The following NPAS3 variants were observed in gnomAD, a reference collection of about 807,000 sequenced individuals.
NPAS3 encodes neuronal PAS domain-containing protein 3.
In NPAS3, 14 loss-of-function variants were observed where a neutral mutation model predicts 73.1. The observed-to-expected ratio is 0.19, with a 90% CI of 0.13 to 0.30. The LOEUF (loss-of-function observed/expected upper bound fraction) is 0.30, where lower values mean the gene tolerates loss of function less well. NPAS3 is among the 10% of genes least tolerant of loss of function. NPAS3 has a pLI of 1.00. For synonymous variants in NPAS3, 620 were observed against 541.5 expected, an observed-to-expected ratio of 1.14 and a Z score of -2.01; for missense variants, 1,096 against 1,250.0, an observed-to-expected ratio of 0.88 and a Z score of 1.86.
intron 4 of NPAS3, among the ~76,000 whole-genome samples, chr14:33,368,116 T>C (rs2140422500): frequency 6.6e-6 from 1 of 152,214 alleles, no homozygotes; most frequent in Middle Eastern, 3.4e-3. Flanking sequence ...TTACTGTATT[T>C]GGAAAAGGTA....
At chr14:33,103,488 T>C (rs2042635990) in intron 2 of NPAS3, among the ~76,000 whole-genome samples, 1 of 152,196 alleles carries the variant, frequency 6.6e-6, no homozygotes, top group African/African-American at 2.4e-5. Context: ...TTGGTGTCCT[T>C]GAGGGTAAAG....
chr14:33,412,405 C>G (rs998662047), intron 4 of NPAS3, among the ~76,000 whole-genome samples: 2 of 152,140 alleles, frequency 1.3e-5, no homozygotes, highest in Admixed American at 6.6e-5. Flanking sequence ...CAGATGTGAG[C>G]CACTACACCT....
intron 2 of NPAS3, among the ~76,000 whole-genome samples, chr14:33,116,990 A>T (rs10131147): frequency 0.014 from 2,073 of 152,228 alleles, 46 homozygotes; most frequent in African/African-American, 0.047. Flanking sequence ...TTGTAACAGA[A>T]TATCACACAA....
At chr14:33,471,130 T>C (rs1248360556) in intron 4 of NPAS3, among the ~76,000 whole-genome samples, 1 of 152,192 alleles carries the variant, frequency 6.6e-6, no homozygotes, top group African/African-American at 2.4e-5. Flanking sequence ...CTGATGCTTG[T>C]ACAGTGCTCT....
intron 4 of NPAS3, among the ~76,000 whole-genome samples, chr14:33,544,049 G>A (rs1401656311): frequency 6.8e-6 from 1 of 147,158 alleles, no homozygotes; most frequent in Non-Finnish European, 1.5e-5. Flanking sequence ...AGTTCATGTA[G>A]AGTCCTTCTC....
chr14:33,518,396 T>A (rs913821807), intron 4 of NPAS3, among the ~76,000 whole-genome samples: 2 of 152,028 alleles, frequency 1.3e-5, no homozygotes, highest in African/African-American at 4.8e-5. Context: ...GAAATGGAGC[T>A]GCTTGTGTAA....
chr14:33,444,092 G>C (rs1470161608), intron 4 of NPAS3, among the ~76,000 whole-genome samples: 2 of 152,126 alleles, frequency 1.3e-5, no homozygotes, highest in Non-Finnish European at 2.9e-5. Flanking sequence ...GAATCTTCAA[G>C]TCACCTTGAG....
intron 2 of NPAS3, among the ~76,000 whole-genome samples, chr14:33,069,611 G>A (rs553437708): frequency 6.8e-4 from 103 of 152,254 alleles, no homozygotes; most frequent in Non-Finnish European, 1.2e-3. Context: ...TCTCATTTGC[G>A]AAATGCTGAT....
intron 2 of NPAS3, among the ~76,000 whole-genome samples, chr14:33,081,998 A>G (rs1323189503): frequency 2.6e-5 from 4 of 152,212 alleles, no homozygotes; most frequent in Non-Finnish European, 5.9e-5. Flanking sequence ...TAAAAGATCA[A>G]TTGTCCTCGA....
intron 2 of NPAS3, among the ~76,000 whole-genome samples, chr14:33,066,525 C>G (rs757795157): frequency 6.6e-6 from 1 of 152,088 alleles, no homozygotes; most frequent in African/African-American, 2.4e-5. Flanking sequence ...TATGGGCCAG[C>G]AGATTTTAAG....
intron 9 of NPAS3, among the ~76,000 whole-genome samples, chr14:33,787,599 C>CA (rs9322928): frequency 4.4e-5 from 6 of 135,994 alleles, no homozygotes; most frequent in Non-Finnish European, 6.3e-5. Context: ...TATAGATTTA[C>CA]AAAAAAAAAA....
chr14:33,296,554 C>G (rs893825981), intron 3 of NPAS3, among the ~76,000 whole-genome samples: 1 of 152,186 alleles, frequency 6.6e-6, no homozygotes, highest in African/African-American at 2.4e-5. Flanking sequence ...ATGAGGGCAC[C>G]TGGGGTGCAG....
chr14:33,203,580 T>C (rs573945759), intron 2 of NPAS3, among the ~76,000 whole-genome samples: 3 of 152,302 alleles, frequency 2.0e-5, no homozygotes, highest in African/African-American at 7.2e-5. Flanking sequence ...TGTTTGGTTT[T>C]TTGTCCTTGG....
chr14:33,443,526 C>G (rs2049345049), intron 4 of NPAS3, among the ~76,000 whole-genome samples: 1 of 152,194 alleles, frequency 6.6e-6, no homozygotes, highest in Non-Finnish European at 1.5e-5. Context: ...CTGGAAGATA[C>G]ATGACATGCC....
chr14:33,094,468 A>AT (rs373938530), intron 2 of NPAS3, among the ~76,000 whole-genome samples: 3,477 of 141,942 alleles, frequency 0.024, 125 homozygotes, highest in African/African-American at 0.077. Context: ...ATGATAAAGG[A>AT]TTTTTTTTTT....
chr14:32,990,783 C>G (rs191594507), intron 1 of NPAS3, among the ~76,000 whole-genome samples: 179 of 151,940 alleles, frequency 1.2e-3, no homozygotes, highest in Middle Eastern at 6.8e-3. Context: ...AAAAAATAAT[C>G]AGGCATGGTA....
At chr14:33,658,260 G>A (rs1274379808) in intron 5 of NPAS3, among the ~76,000 whole-genome samples, 1 of 152,200 alleles carries the variant, frequency 6.6e-6, no homozygotes, top group African/African-American at 2.4e-5. Flanking sequence ...GACTTATCCA[G>A]CCTCATTTCA....
chr14:33,634,155 T>C (rs1176036409), intron 5 of NPAS3, among the ~76,000 whole-genome samples: 1 of 152,188 alleles, frequency 6.6e-6, no homozygotes, highest in East Asian at 1.9e-4. Flanking sequence ...AACCACAAAA[T>C]ATGTTGGTTC....
chr14:33,470,638 A>C (rs1054011129), intron 4 of NPAS3, among the ~76,000 whole-genome samples: 3 of 152,180 alleles, frequency 2.0e-5, no homozygotes, highest in African/African-American at 7.2e-5. Context: ...AAGGTGGTTC[A>C]TTTAGGCTGA....
Sources: allele counts gnomAD v4.1 joint callset (sites outside exome capture counted in the v4.1 genomes callset), GRCh38; gene constraint gnomAD v4.1.1; transcripts MANE v1.5; gene names NCBI Gene and HGNC (gene_info 2026-07-23, HGNC 2026-07-21).